Variants in AGBL4 observed in about 807,000 individuals in gnomAD.
AGBL4 encodes the protein AGBL carboxypeptidase 4.
AGBL4 carries 58 observed loss-of-function variants against 66.4 expected under a neutral mutation model. The ratio of observed to expected loss-of-function variants is 0.87; its 90% confidence interval spans 0.71 to 1.09. The LOEUF is 1.09. Among genes scored for constraint, AGBL4 ranks in the 50% least tolerant of loss-of-function variants. The probability of loss-of-function intolerance (pLI) is 0.00; values close to 1 mark genes in which losing one functional copy is unlikely to be tolerated. For missense variants in AGBL4, 579 were observed against 631.0 expected, an observed-to-expected ratio of 0.92 and a Z score of 0.88; for synonymous variants, 234 against 222.9, an observed-to-expected ratio of 1.05 and a Z score of -0.44.
At chr1:49,256,796 G>T (rs1240294341) in intron 3 of AGBL4, among the ~76,000 whole-genome samples, 1 of 152,148 alleles carries the variant, frequency 6.6e-6, no homozygotes. Flanking sequence ...TGTATAGCTA[G>T]ACCGATGGAT....
chr1:49,920,335 A>C (rs915378756), intron 1 of AGBL4, among the ~76,000 whole-genome samples: 4 of 152,208 alleles, frequency 2.6e-5, no homozygotes, highest in Non-Finnish European at 5.9e-5. Context: ...TTTGCAATCT[A>C]CTCATCTGAC....
intron 6 of AGBL4, chr1:48,776,660 G>C: frequency 6.7e-7 from 1 of 1,494,240 alleles, no homozygotes; most frequent in Non-Finnish European, 8.9e-7. Flanking sequence ...CAGTCGCGGG[G>C]GGCGCGCGGG....
intron 2 of AGBL4, among the ~76,000 whole-genome samples, chr1:49,819,448 G>T (rs988949215): frequency 6.6e-6 from 1 of 152,058 alleles, no homozygotes; most frequent in Non-Finnish European, 1.5e-5. Flanking sequence ...AGCAGGACAA[G>T]GTTCATTATT....
At chr1:49,541,123 T>C (rs1651979071) in intron 3 of AGBL4, among the ~76,000 whole-genome samples, 1 of 152,232 alleles carries the variant, frequency 6.6e-6, no homozygotes, top group South Asian at 2.1e-4. Context: ...ATGAAAATTA[T>C]ATGTGACAAT....
At chr1:49,110,703 G>A (rs1645389360) in intron 4 of AGBL4, among the ~76,000 whole-genome samples, 1 of 151,984 alleles carries the variant, frequency 6.6e-6, no homozygotes, top group African/African-American at 2.4e-5. Flanking sequence ...ATTACTATTA[G>A]CAAACAACCT....
At chr1:49,206,941 G>A (rs544750973) in intron 4 of AGBL4, among the ~76,000 whole-genome samples, 32 of 151,350 alleles carry the variant, frequency 2.1e-4, no homozygotes, top group African/African-American at 6.3e-4. Context: ...CCAGGTGGGC[G>A]GAATGGGAAC....
chr1:49,729,956 C>T (rs1020993599), intron 2 of AGBL4, among the ~76,000 whole-genome samples: 2 of 151,964 alleles, frequency 1.3e-5, no homozygotes, highest in Non-Finnish European at 1.5e-5. Context: ...GTCCATGACC[C>T]GAGTGAGAAC....
At chr1:49,473,748 A>G (rs544272831) in intron 3 of AGBL4, among the ~76,000 whole-genome samples, 203 of 151,998 alleles carry the variant, frequency 1.3e-3, no homozygotes, top group Non-Finnish European at 2.5e-3. Flanking sequence ...TTCTTCTAGT[A>G]TTTTTATAGT....
chr1:49,571,660 G>C (rs932360054), intron 3 of AGBL4, among the ~76,000 whole-genome samples: 1 of 151,922 alleles, frequency 6.6e-6, no homozygotes, highest in African/African-American at 2.4e-5. Context: ...AGTTCTTTAG[G>C]CATTACTTTA....
intron 1 of AGBL4, among the ~76,000 whole-genome samples, chr1:50,009,676 GA>G (rs772368968): frequency 0.014 from 1,876 of 131,570 alleles, 13 homozygotes; most frequent in African/African-American, 0.021. Context: ...AATCAGACAT[GA>G]AAAAAAAAAA....
intron 4 of AGBL4, among the ~76,000 whole-genome samples, chr1:49,180,089 C>T (rs56116759): frequency 0.11 from 16,877 of 151,776 alleles, 1,590 homozygotes; most frequent in African/African-American, 0.25. Flanking sequence ...TTAGTAGAGA[C>T]GAGGTTTCTC....
intron 6 of AGBL4, among the ~76,000 whole-genome samples, chr1:48,689,523 CCTTT>C (rs1285362201): frequency 1.4e-5 from 2 of 144,980 alleles, no homozygotes; most frequent in Non-Finnish European, 3.0e-5. Context: ...TTGTTTCCTT[CCTTT>C]CTTTATTTTA....
chr1:48,968,504 T>A (rs1464607601), intron 5 of AGBL4, among the ~76,000 whole-genome samples: 5 of 152,042 alleles, frequency 3.3e-5, no homozygotes, highest in Non-Finnish European at 7.4e-5. Context: ...GGGGCTTAAG[T>A]TGGTGGTAAT....
intron 4 of AGBL4, among the ~76,000 whole-genome samples, chr1:49,162,830 T>C (rs1480517859): frequency 6.6e-6 from 1 of 152,218 alleles, no homozygotes; most frequent in Non-Finnish European, 1.5e-5. Flanking sequence ...TAAGCTGATA[T>C]ATATTTTAAA....
chr1:48,661,041 AG>A (rs1212306798), intron 7 of AGBL4, among the ~76,000 whole-genome samples: 1 of 152,240 alleles, frequency 6.6e-6, no homozygotes. Flanking sequence ...AAGATGAACA[AG>A]AAACCCCATT....
intron 3 of AGBL4, among the ~76,000 whole-genome samples, chr1:49,478,037 A>C (rs1000286565): frequency 6.6e-6 from 1 of 151,720 alleles, no homozygotes; most frequent in African/African-American, 2.4e-5. Flanking sequence ...AATTTTAAAA[A>C]AGAATTAAAA....
intron 1 of AGBL4, among the ~76,000 whole-genome samples, chr1:49,902,346 A>T (rs2148191718): frequency 6.6e-6 from 1 of 152,344 alleles, no homozygotes; most frequent in South Asian, 2.1e-4. Flanking sequence ...AGCAAAATAC[A>T]AACAACCCCA....
intron 3 of AGBL4, among the ~76,000 whole-genome samples, chr1:49,363,449 A>C (rs144232636): frequency 6.6e-6 from 1 of 152,338 alleles, no homozygotes; most frequent in Admixed American, 6.5e-5. Context: ...TGATACTTGC[A>C]CAGATGACAA....
chr1:48,760,623 T>C (rs944223205), intron 6 of AGBL4, among the ~76,000 whole-genome samples: 2 of 152,140 alleles, frequency 1.3e-5, no homozygotes, highest in African/African-American at 2.4e-5. Context: ...GCCAGGCGCA[T>C]AGCAGGAGTA....
Sources: allele counts gnomAD v4.1 joint callset (sites outside exome capture counted in the v4.1 genomes callset), GRCh38; gene constraint gnomAD v4.1.1; transcripts MANE v1.5; gene names NCBI Gene and HGNC (gene_info 2026-07-23, HGNC 2026-07-21).